The following IPO11 variants were observed in gnomAD, a reference collection of about 807,000 sequenced individuals.
IPO11 encodes importin 11, also known as importin-11.
A neutral mutation model predicts 143.2 loss-of-function variants in IPO11; 66 were observed. The ratio of observed to expected loss-of-function variants is 0.46; its 90% CI spans 0.38 to 0.57. The LOEUF (loss-of-function observed/expected upper bound fraction) is 0.57, where lower values mean the gene tolerates loss of function less well. Ranked by LOEUF, IPO11 falls within the 20% of genes least tolerant of loss-of-function variation. The pLI, the probability that IPO11 is intolerant of heterozygous loss-of-function variation, is 0.00. For missense variants in IPO11, 1,026 were observed against 1,141.0 expected (o/e 0.90, Z 1.45); for synonymous variants, 385 against 377.8 (o/e 1.02, Z -0.22).
intron 27 of IPO11, among the ~76,000 whole-genome samples, chr5:62,586,625 C>T (rs1281513455): frequency 4.0e-5 from 6 of 151,160 alleles, no homozygotes; most frequent in Non-Finnish European, 8.8e-5. Context: ...GTGGCACATG[C>T]GTGTATTCCC....
intron 16 of IPO11, among the ~76,000 whole-genome samples, chr5:62,503,407 G>A (rs1446300640): frequency 6.2e-5 from 9 of 146,262 alleles, no homozygotes; most frequent in African/African-American, 2.2e-4. Context: ...TATATTAATA[G>A]TATCTATTAA....
chr5:62,545,086 G>A (rs1426356410), intron 24 of IPO11, among the ~76,000 whole-genome samples: 1 of 151,972 alleles, frequency 6.6e-6, no homozygotes, highest in Non-Finnish European at 1.5e-5. Context: ...TCACAGAATT[G>A]GAAAAAAACT....
At chr5:62,457,055 G>A (rs1745185952) in intron 5 of IPO11, among the ~76,000 whole-genome samples, 1 of 152,192 alleles carries the variant, frequency 6.6e-6, no homozygotes, top group African/African-American at 2.4e-5. Context: ...ACTGTAGCCT[G>A]GGCAACAGAG....
intron 1 of IPO11, among the ~76,000 whole-genome samples, chr5:62,435,172 G>GTGTATATATGTGTATATATATGTA (rs1554047228): frequency 1.1e-5 from 1 of 88,312 alleles, no homozygotes; most frequent in African/African-American, 5.0e-5. Flanking sequence ...GTATATATAT[G>GTGTATATATGTGTATATATATGTA]TATATATGTA....
chr5:62,624,530 G>T (rs1031674574), intron 29 of IPO11, among the ~76,000 whole-genome samples: 1 of 152,102 alleles, frequency 6.6e-6, no homozygotes, highest in Non-Finnish European at 1.5e-5. Flanking sequence ...GGTTTTGGTG[G>T]GTTTTAGCCA....
intron 27 of IPO11, among the ~76,000 whole-genome samples, chr5:62,586,763 AAAAAAATAT>A (rs1454008817): frequency 5.5e-5 from 5 of 90,574 alleles, no homozygotes; most frequent in Non-Finnish European, 1.1e-4. Flanking sequence ...AAAAAAAAAA[AAAAAAATAT>A]ATATATATAT....
chr5:62,440,506 C>T (rs1453480863), intron 2 of IPO11, among the ~76,000 whole-genome samples: 3 of 151,834 alleles, frequency 2.0e-5, no homozygotes, highest in East Asian at 2.0e-4. Flanking sequence ...AGGCGCCCCC[C>T]CACCATGCCT....
At chr5:62,537,332 T>C (rs1301403296) in intron 24 of IPO11, 43 bp downstream of exon 24, 1 of 1,240,186 alleles carries the variant, frequency 8.1e-7, no homozygotes. Context: ...GAATTTTTCA[T>C]TTATATTTTA....
Position 62,493,990 on chromosome 5 carries a change from C to T in IPO11, c.1464-8C>T. The stretch of plus-strand genomic sequence containing the variant: ...AACATTTTAATTTCATGATTTTTTC[C>T]TGTTTAGGTATAAGCCATTGCGACG... On this transcript the variant is annotated splice_polypyrimidine_tract_variant and splice_region_variant and intron_variant, in intron 15 of 29. Transcript: ENST00000325324. 1.3e-6 allele frequency: 2 copies of T among 1,589,000 alleles called. No homozygotes were observed. The highest frequency in any genetic ancestry group is 1.7e-6 in the Non-Finnish European group (2 of 1,170,984).
intron 15 of IPO11, among the ~76,000 whole-genome samples, chr5:62,490,473 C>A (rs1746565045): frequency 1.3e-5 from 2 of 152,010 alleles, no homozygotes; most frequent in Admixed American, 6.6e-5. Context: ...AGAAACTATG[C>A]CTAAGAAAAA....
chr5:62,435,821 G>T (rs1037713622), intron 1 of IPO11, among the ~76,000 whole-genome samples: 2 of 151,942 alleles, frequency 1.3e-5, no homozygotes, highest in Admixed American at 6.6e-5. Context: ...CTGGGGTCAG[G>T]AGTTTGAGAC....
At chr5:62,507,857 G>T (rs541592170) in intron 19 of IPO11, among the ~76,000 whole-genome samples, 1 of 151,970 alleles carries the variant, frequency 6.6e-6, no homozygotes, top group East Asian at 1.9e-4. Context: ...CTCATCTTTC[G>T]GAGCACAAAT....
At chr5:62,582,271 A>G (rs1266481478) in intron 27 of IPO11, among the ~76,000 whole-genome samples, 2 of 152,242 alleles carry the variant, frequency 1.3e-5, no homozygotes, top group Non-Finnish European at 2.9e-5. Flanking sequence ...GGCCTGGGCC[A>G]GGATACTGGC....
chr5:62,490,078 G>T, intron 14 of IPO11, 37 bp from the exon 15 acceptor site: 1 of 1,337,520 alleles, frequency 7.5e-7, no homozygotes, highest in Non-Finnish European at 1.0e-6. Context: ...TCTGATATCT[G>T]AAACCTTTAA....
intron 19 of IPO11, among the ~76,000 whole-genome samples, chr5:62,512,984 C>T (rs1280408773): frequency 6.7e-6 from 1 of 149,330 alleles, no homozygotes; most frequent in East Asian, 2.0e-4. Flanking sequence ...ATGTCTACTT[C>T]TTTCTACACA....
At chr5:62,514,073 T>C (rs1339161081) in intron 19 of IPO11, among the ~76,000 whole-genome samples, 1 of 143,340 alleles carries the variant, frequency 7.0e-6, no homozygotes, top group African/African-American at 2.7e-5. Context: ...CCAGGTGGGA[T>C]GGCGGCCGGG....
In IPO11 at chr5:62,427,986, G is replaced by T. The variant is rs930585644; in HGVS notation, c.-6-9288G>T. On this transcript the variant is annotated intron_variant, in intron 1 of 29. Transcript: ENST00000325324. ...CAACCTGTAATGCATGCACAGAAAAGAATTTTCTTGTCCAAACTGCCAGAC... is the reference window on the plus strand; with the variant it reads ...CAACCTGTAATGCATGCACAGAAAATAATTTTCTTGTCCAAACTGCCAGAC... 2.0e-5 allele frequency among the ~76,000 whole-genome samples: 3 copies of T among 152,196 alleles called. No homozygotes were observed. In the East Asian group the frequency reaches 5.8e-4, roughly 29 times the overall value.
chr5:62,526,360 A>G, intron 21 of IPO11, 103 bp downstream of exon 21: 1 of 736,602 alleles, frequency 1.4e-6, no homozygotes. Flanking sequence ...TAAAAACAGA[A>G]AATGTAAACT....
At chr5:62,457,923 C>T (rs1043693280) in intron 5 of IPO11, among the ~76,000 whole-genome samples, 20 of 152,128 alleles carry the variant, frequency 1.3e-4, no homozygotes, top group East Asian at 7.8e-4. Context: ...CCGAGGAGGG[C>T]GGATCACGAG....
Sources: allele counts gnomAD v4.1 joint callset (sites outside exome capture counted in the v4.1 genomes callset), GRCh38; gene constraint gnomAD v4.1.1; transcripts MANE v1.5; gene names NCBI Gene and HGNC (gene_info 2026-07-23, HGNC 2026-07-21).